Variants in FAAP20 observed in about 807,000 individuals in gnomAD.
FAAP20 encodes Fanconi anemia core complex-associated protein 20.
A neutral mutation model predicts 16.2 loss-of-function variants in FAAP20; 12 were observed. The ratio of observed to expected loss-of-function variants is 0.74; its 90% CI spans 0.48 to 1.20. FAAP20 has a LOEUF of 1.20. FAAP20 is among the 50% of genes most tolerant of loss of function. The pLI is 0.00. For missense variants in FAAP20, 288 were observed against 245.8 expected (o/e 1.17, Z -1.15); for synonymous variants, 141 against 110.7 (o/e 1.27, Z -1.72).
chr1:2,189,438 G>A (rs1687907029), downstream of FAAP20: 1 of 535,920 alleles, frequency 1.9e-6, no homozygotes, highest in South Asian at 2.1e-5. Flanking sequence ...GTCCACAGTG[G>A]GGGCGCCAGG....
upstream of FAAP20, chr1:2,197,947 G>C: frequency 8.0e-7 from 1 of 1,256,940 alleles, no homozygotes; most frequent in Non-Finnish European, 1.0e-6. Flanking sequence ...GGGCCTGGAA[G>C]GGGACCGGCC....
chr1:2,194,849 GC>G (rs1170406408), upstream of FAAP20: 5 of 931,554 alleles, frequency 5.4e-6, no homozygotes, highest in Admixed American at 2.1e-4. Context: ...CAGCGAGGCC[GC>G]CCCCCTCCGA....
intron 3 of FAAP20, chr1:2,193,098 G>A (rs955250989): frequency 1.5e-4 from 150 of 1,028,692 alleles, no homozygotes; most frequent in Non-Finnish European, 1.9e-4. Context: ...CCAGCCCCAG[G>A]ACCTGCTCCG....
At chr1:2,186,219 G>A (rs1226099492), downstream of FAAP20, 6 of 328,134 alleles carry the variant, frequency 1.8e-5, no homozygotes, top group Admixed American at 2.1e-4. Flanking sequence ...CATGACTCAG[G>A]GGCCGCTCCA....
At position 2,189,557 on chromosome 1, in the gene FAAP20, AAC is replaced by A. The variant is rs1217203326; in HGVS notation, c.*150_*151del. ...AGAAAAGCGGCAGACGTTTCATCAC[AAC>A]ACAGAGACAGACAGGAGCCCGCCCT... On this transcript the variant is annotated 3_prime_UTR_variant, in exon 4 of 4. Coordinates refer to ENST00000378546, the MANE Select transcript of FAAP20 (RefSeq NM_182533.4). 5 of 684,284 alleles carry A rather than the reference AAC, an allele frequency of 7.3e-6. No homozygotes were observed. The highest frequency in any genetic ancestry group is 4.4e-5 in the Admixed American group (2 of 45,876). The allele number at this position is 684,284 out of a possible 1,614,324, so 42.4% of individuals were successfully genotyped here.
chr1:2,211,964 G>A (rs528323761), downstream of FAAP20, among the ~76,000 whole-genome samples: 24 of 140,924 alleles, frequency 1.7e-4, no homozygotes, highest in African/African-American at 6.4e-4. Flanking sequence ...GTGCAGTAGT[G>A]TGATCTCGGC....
At chr1:2,190,147 C>T (rs1037679140) in intron 3 of FAAP20, 1 of 504,496 alleles carries the variant, frequency 2.0e-6, no homozygotes, top group South Asian at 1.5e-5. Context: ...CGGCGGGTGG[C>T]CTGCCAGGGA....
chr1:2,199,038 T>C (rs1314179917), upstream of FAAP20: 1 of 1,238,152 alleles, frequency 8.1e-7, no homozygotes, highest in Admixed American at 2.5e-5. The surrounding 1 kb of genome is among the most constrained non-coding windows in gnomAD (Gnocchi z 4.5). Context: ...ACCGACAGCC[T>C]CCTCACAGCC....
intron 3 of FAAP20, among the ~76,000 whole-genome samples, chr1:2,205,892 A>C (rs914808692): frequency 6.6e-6 from 1 of 150,840 alleles, no homozygotes; most frequent in Admixed American, 6.6e-5. Context: ...GCCCCGGCCC[A>C]CCTGTCCGCA....
At chr1:2,198,671 G>A (rs112411809), upstream of FAAP20, 19 of 1,225,364 alleles carry the variant, frequency 1.6e-5, no homozygotes, top group African/African-American at 1.7e-4. Flanking sequence ...CTGGGCACAT[G>A]CTGAAGGCAC....
intron 3 of FAAP20, 48 bp from the exon 4 acceptor site, chr1:2,189,829 G>A (rs745726065): frequency 2.3e-5 from 32 of 1,401,510 alleles, no homozygotes; most frequent in Non-Finnish European, 3.1e-5. Context: ...CGGCATGCTG[G>A]CCGCAGAGAG....
rs114608378 is a variant in FAAP20, at chr1:2,205,617, C to G, written n.451+688G>C. 3.1e-3 allele frequency among the ~76,000 whole-genome samples: 465 copies of G among 152,270 alleles called. 3 individuals carry two copies. The highest frequency in any genetic ancestry group is 0.011 in the African/African-American group (446 of 41,574). ...GGCGGGTGAAACGAGTTTCCAGCGTCGAGCCTGCTTCGTTTCAAGGTGGAC... is the reference window on the plus strand; with the variant it reads ...GGCGGGTGAAACGAGTTTCCAGCGTGGAGCCTGCTTCGTTTCAAGGTGGAC... On this transcript the variant is annotated intron_variant and non_coding_transcript_variant, in intron 3 of 7. Transcript: ENST00000469733.
intron 1 of FAAP20, chr1:2,206,812 A>G (rs2459999): frequency 0.45 from 66,725 of 147,798 alleles, 15,973 homozygotes; most frequent in African/African-American, 0.61. Context: ...CAGCCTGGGC[A>G]ACGGAGCGAG....
chr1:2,198,542 T>C, upstream of FAAP20: 1 of 634,776 alleles, frequency 1.6e-6, no homozygotes, highest in Non-Finnish European at 2.3e-6. Context: ...TGCCCAGCGC[T>C]GACACCCTGC....
chr1:2,197,173 A>AGGGACACCTGTGT (rs1553185230), upstream of FAAP20, among the ~76,000 whole-genome samples: 2 of 152,158 alleles, frequency 1.3e-5, no homozygotes, highest in Admixed American at 6.5e-5. Flanking sequence ...GGACCATGTG[A>AGGGACACCTGTGT]GGGACACCTG....
downstream of FAAP20, chr1:2,185,484 G>A (rs1487961518): frequency 2.8e-6 from 2 of 718,252 alleles, no homozygotes; most frequent in Admixed American, 4.0e-5. Context: ...GGAGCCAGCG[G>A]GACACAGGTG....
At chr1:2,211,417 ATATATATATATATATATATTTTTTT>A (rs1339897258), downstream of FAAP20, among the ~76,000 whole-genome samples, 2 of 15,736 alleles carry the variant, frequency 1.3e-4, no homozygotes, top group South Asian at 3.0e-3. Flanking sequence ...ATATATATAT[ATATATATATATATATATATTTTTTT>A]TTTTTTTTTT....
intron 3 of FAAP20, chr1:2,192,253 T>C (rs758638932): frequency 1.7e-5 from 17 of 986,188 alleles, no homozygotes; most frequent in Non-Finnish European, 2.0e-5. Flanking sequence ...AGCCTGCCCA[T>C]GCGGTGGCCA....
chr1:2,193,422 G>A, intron 3 of FAAP20: 1 of 709,356 alleles, frequency 1.4e-6, no homozygotes, highest in East Asian at 3.0e-5. Context: ...TGGGCCCCCA[G>A]CCTGCCCTGC....
Sources: gnomAD v4.1 joint callset for allele counts (sites outside exome capture counted in the v4.1 genomes callset) on GRCh38, gnomAD v4.1.1 for gene constraint, Gnocchi (gnomAD v3.1) non-coding constraint, MANE v1.5 for transcripts, NCBI Gene and HGNC (gene_info 2026-07-23, HGNC 2026-07-21) for gene names.